The following PTPN5 variants were observed in gnomAD, a reference collection of about 807,000 sequenced individuals.
PTPN5 encodes the protein tyrosine-protein phosphatase non-receptor type 5.
In PTPN5, 29 loss-of-function variants were observed where a neutral mutation model predicts 73.9. The observed-to-expected ratio is 0.39, with a 90% confidence interval of 0.29 to 0.54. The LOEUF (loss-of-function observed/expected upper bound fraction) is 0.54. Ranked by LOEUF, PTPN5 falls within the 20% of genes least tolerant of loss-of-function variation. The pLI is 0.65. For missense variants in PTPN5, 652 were observed against 751.4 expected (o/e 0.87, Z 1.55); for synonymous variants, 267 against 304.7 (o/e 0.88, Z 1.29).
At position 18,729,569 on chromosome 11, in the gene PTPN5, G is replaced by A. The variant is rs1430895942; in HGVS notation, c.1491-3C>T. 6.3e-7 allele frequency: 1 copy of A among 1,579,590 alleles called. No homozygotes were observed. Among genetic ancestry groups the A allele is most frequent in the Non-Finnish European group, 8.6e-7 (1 of 1,160,154 alleles). On this transcript the variant is annotated splice_polypyrimidine_tract_variant and splice_region_variant and intron_variant, in intron 13 of 14. Coordinates refer to ENST00000358540, the MANE Select transcript of PTPN5 (RefSeq NM_006906.2). This position sits in a 1 kb window ranked among gnomAD's most constrained non-coding sequence, Gnocchi z 5.2. ...AGCCGGTCCTCCCAATCCCTGCACT[G>A]AGGGCCGAGGGGACCGGTGGGGTGA...
intron 1 of PTPN5, among the ~76,000 whole-genome samples, chr11:18,772,941 C>G (rs1850973259): frequency 6.6e-6 from 1 of 151,724 alleles, no homozygotes; most frequent in Admixed American, 6.6e-5. Flanking sequence ...CGTTTGGTAC[C>G]CAGGAAGGGC....
At chr11:18,770,834 A>G (rs911802156) in intron 2 of PTPN5, among the ~76,000 whole-genome samples, 5 of 151,946 alleles carry the variant, frequency 3.3e-5, no homozygotes, top group Non-Finnish European at 5.9e-5. Flanking sequence ...CACCCACCCC[A>G]TTTTCTAGAA....
At chr11:18,792,193 GGGACAGACA>G (rs1352109911), upstream of PTPN5, 2 of 152,344 alleles carry the variant, frequency 1.3e-5, no homozygotes, top group Non-Finnish European at 2.9e-5. Flanking sequence ...AACCTGGGAC[GGGACAGACA>G]GGCAGACAGA....
In PTPN5 at chr11:18,742,325, A is replaced by G. The variant is rs1188911847; in HGVS notation, c.662T>C (p.Met221Thr). ...GGGGTCAGCCTCAGGCTTGATGTCC[A>G]TCACACAATCAAACACAGGAGTCTC... ...VPETPVFDCV[M>T]DIKPEADPTS... The change falls in exon 7 of 15, where the codon ATG becomes ACG. Residue 221 changes from methionine to threonine, a missense_variant. Physicochemically the swap from Met to Thr is moderately conservative, Grantham distance 81. Around this residue, in one of 3 missense-constraint regions of PTPN5, gnomAD observed 529 missense variants for 573.9 expected, o/e 0.92. Transcript: ENST00000358540. This position sits in a 1 kb window ranked among gnomAD's most constrained non-coding sequence, Gnocchi z 4.1. 1.9e-6 allele frequency: 3 copies of G among 1,613,940 alleles called. No individual in the cohort carries two copies. The highest frequency in any genetic ancestry group is 2.7e-5 in the African/African-American group (2 of 74,872).
At chr11:18,757,868 G>C (rs933218676) in intron 3 of PTPN5, among the ~76,000 whole-genome samples, 1 of 152,148 alleles carries the variant, frequency 6.6e-6, no homozygotes, top group African/African-American at 2.4e-5. Flanking sequence ...GCTTGCTTTC[G>C]AACAGTTAGC....
intron 3 of PTPN5, among the ~76,000 whole-genome samples, chr11:18,751,613 G>GT (rs1346341792): frequency 1.3e-5 from 2 of 152,178 alleles, no homozygotes; most frequent in African/African-American, 4.8e-5. Context: ...ATCTCGGATG[G>GT]TAAGCTGGCT....
intron 8 of PTPN5, among the ~76,000 whole-genome samples, chr11:18,738,541 C>T (rs1017617548): frequency 6.6e-6 from 1 of 152,194 alleles, no homozygotes; most frequent in Non-Finnish European, 1.5e-5. Context: ...CCTCTCTTTA[C>T]TTCCAGTTAG....
intron 1 of PTPN5, among the ~76,000 whole-genome samples, chr11:18,790,807 ACT>A (rs1851883933): frequency 6.6e-6 from 1 of 151,828 alleles, no homozygotes; most frequent in South Asian, 2.1e-4. Flanking sequence ...TTTACCACTA[ACT>A]CTCTGGTGAC....
rs116243741 is a variant in PTPN5 at position 18,728,842 on chromosome 11, G to C, written c.*92C>G. Reference sequence around the variant, plus strand: ...GGGAGCTGACTGAAGGGGAGGAAGCGGGGAGCAGGCCCAGGACCCGAGGCA... The same window carrying C: ...GGGAGCTGACTGAAGGGGAGGAAGCCGGGAGCAGGCCCAGGACCCGAGGCA... On this transcript the variant is annotated 3_prime_UTR_variant, in exon 15 of 15. Transcript: ENST00000358540. This position sits in a 1 kb window ranked among gnomAD's most constrained non-coding sequence, Gnocchi z 4.1. The C allele has an allele frequency of 8.9e-6, 11 of 1,240,344 alleles. No individual in the cohort carries two copies. The South Asian group carries it at 1.4e-4, about 16-fold the overall frequency. 76.8% of individuals were successfully genotyped at this position (1,240,344 alleles called of 1,614,324 possible). A position where few individuals can be genotyped will look rare whatever the true frequency, so the allele number is the denominator to read the frequency against.
intron 1 of PTPN5, among the ~76,000 whole-genome samples, chr11:18,778,551 G>A (rs1001233932): frequency 3.9e-5 from 6 of 152,312 alleles, no homozygotes; most frequent in South Asian, 2.1e-4. Context: ...CCATCCTGAC[G>A]AGAGTTCTCA....
intron 2 of PTPN5, among the ~76,000 whole-genome samples, chr11:18,766,990 C>T (rs1332171296): frequency 6.6e-6 from 1 of 152,234 alleles, no homozygotes; most frequent in African/African-American, 2.4e-5. Flanking sequence ...CCCATCTGTA[C>T]TGAGTCTTGG....
intron 1 of PTPN5, among the ~76,000 whole-genome samples, chr11:18,788,966 C>A (rs182769247): frequency 6.6e-6 from 1 of 152,164 alleles, no homozygotes; most frequent in Non-Finnish European, 1.5e-5. Context: ...ATTACGCTAA[C>A]GTACAAAAGG....
At chr11:18,754,337 G>A (rs1170927189) in intron 3 of PTPN5, among the ~76,000 whole-genome samples, 1 of 152,190 alleles carries the variant, frequency 6.6e-6, no homozygotes, top group Non-Finnish European at 1.5e-5. Flanking sequence ...ACTCCGAACG[G>A]AGAAAGACTC....
chr11:18,749,010 A>G (rs939559109), intron 3 of PTPN5, among the ~76,000 whole-genome samples: 3 of 152,006 alleles, frequency 2.0e-5, no homozygotes, highest in African/African-American at 7.2e-5. Context: ...TTTACTCACT[A>G]TCTTGTTCTG....
At position 18,742,240 on chromosome 11, in the gene PTPN5, A is replaced by C. The variant is rs1452486979; in HGVS notation, c.725+22T>G. 6.2e-7 allele frequency: 1 copy of C among 1,612,876 alleles called. No individual in the cohort carries two copies. The highest frequency in any genetic ancestry group is 8.5e-7 in the Non-Finnish European group (1 of 1,179,172). On this transcript the variant is annotated intron_variant, in intron 7 of 14. Coordinates refer to ENST00000358540, the MANE Select transcript of PTPN5 (RefSeq NM_006906.2). This position sits in a 1 kb window ranked among gnomAD's most constrained non-coding sequence, Gnocchi z 4.1. ...AAGAGCTCAAGGGCCCGTGGAGCCC[A>C]CCCCTCCTCCACCCCTCCCACCTCT... is the stretch of plus-strand genomic sequence containing the variant.
intron 1 of PTPN5, among the ~76,000 whole-genome samples, chr11:18,784,195 G>A (rs959904521): frequency 6.6e-6 from 1 of 152,146 alleles, no homozygotes; most frequent in Non-Finnish European, 1.5e-5. Flanking sequence ...TTGAAAGCGG[G>A]GGCTCAAACA....
intron 8 of PTPN5, among the ~76,000 whole-genome samples, chr11:18,739,234 G>T (rs1239572977): frequency 1.3e-5 from 2 of 152,212 alleles, no homozygotes; most frequent in Non-Finnish European, 2.9e-5. Flanking sequence ...CAGAGTGGGT[G>T]CTCAGGCCAC....
intron 1 of PTPN5, among the ~76,000 whole-genome samples, chr11:18,788,423 C>T (rs1450019197): frequency 6.6e-6 from 1 of 152,178 alleles, no homozygotes; most frequent in African/African-American, 2.4e-5. Flanking sequence ...CCCAACCTTC[C>T]TTCTCAAGTC....
intron 1 of PTPN5, 26 bp from the exon 2 acceptor site, chr11:18,772,097 T>C (rs1850930041): frequency 1.6e-6 from 1 of 607,700 alleles, no homozygotes; most frequent in Admixed American, 3.9e-5. Flanking sequence ...AAAGAGAGAT[T>C]AAGTGACTAG....
Sources: gnomAD v4.1 joint callset for allele counts (sites outside exome capture counted in the v4.1 genomes callset) on GRCh38, gnomAD v4.1.1 for gene constraint, gnomAD v4.1.1 regional missense constraint, Gnocchi (gnomAD v3.1) non-coding constraint, MANE v1.5 for transcripts, NCBI Gene and HGNC (gene_info 2026-07-23, HGNC 2026-07-21) for gene names.